GRID2: variants seen among roughly 807,000 people sequenced by gnomAD.
GRID2 encodes the protein glutamate receptor ionotropic, delta-2.
A neutral mutation model predicts 114.8 loss-of-function variants in GRID2; 33 were observed. The ratio of observed to expected loss-of-function variants is 0.29; its 90% CI spans 0.22 to 0.38. The LOEUF (loss-of-function observed/expected upper bound fraction) is 0.38, where lower values mean the gene tolerates loss of function less well. GRID2 is among the 10% of genes least tolerant of loss of function. GRID2 has a pLI of 1.00. For missense variants in GRID2, 1,184 were observed against 1,257.7 expected, an observed-to-expected ratio of 0.94 and a Z score of 0.89; for synonymous variants, 505 against 449.9, an observed-to-expected ratio of 1.12 and a Z score of -1.55.
intron 5 of GRID2, among the ~76,000 whole-genome samples, chr4:93,212,164 T>C (rs762711396): frequency 6.6e-6 from 1 of 152,144 alleles, no homozygotes; most frequent in Non-Finnish European, 1.5e-5. Context: ...TGGCTGAACG[T>C]GGAGAACATG....
chr4:92,710,332 CTT>C (rs1414461102), intron 2 of GRID2, among the ~76,000 whole-genome samples: 9 of 152,020 alleles, frequency 5.9e-5, no homozygotes, highest in Admixed American at 4.6e-4. Context: ...TAATTAAAAA[CTT>C]GAATCTTATT....
chr4:93,369,308 G>A (rs949834620), intron 8 of GRID2, among the ~76,000 whole-genome samples: 1 of 152,004 alleles, frequency 6.6e-6, no homozygotes, highest in African/African-American at 2.4e-5. Context: ...AGTTGTCATT[G>A]GGTTTAGTGC....
Position 92,938,394 on chromosome 4 carries a change from A to G in GRID2, c.245-146601A>G, listed in dbSNP as rs191334256. Among the ~76,000 whole-genome samples the G allele has an allele frequency of 7.4e-4, 109 of 146,582 alleles. 20 individuals carry two copies. The East Asian group carries it at 0.023, about 31-fold the overall frequency. On this transcript the variant is annotated intron_variant, in intron 2 of 15. Transcript: ENST00000282020. ...TATAAACCATCTTTCTTTTCCATGC[A>G]GTCAATTGAAATTCCCTGATAATTA... is the stretch of plus-strand genomic sequence containing the variant.
At chr4:92,896,236 A>T (rs1347384807) in intron 2 of GRID2, among the ~76,000 whole-genome samples, 2 of 152,194 alleles carry the variant, frequency 1.3e-5, no homozygotes, top group Non-Finnish European at 2.9e-5. Context: ...GGCAATATGT[A>T]TTCAAGGGCT....
intron 14 of GRID2, among the ~76,000 whole-genome samples, chr4:93,731,066 G>A (rs150395993): frequency 0.013 from 2,048 of 152,336 alleles, 23 homozygotes; most frequent in Non-Finnish European, 0.02. Flanking sequence ...TTTTGGCCAG[G>A]AAGCAGACTG....
At position 92,410,835 on chromosome 4, in the gene GRID2, ATTTTTT is replaced by A. The variant is rs5860274; in HGVS notation, c.88+106106_88+106111del. 1.1e-3 allele frequency among the ~76,000 whole-genome samples: 132 copies of A among 117,876 alleles called. 1 individual carries two copies. The highest frequency in any genetic ancestry group is 3.7e-3 in the African/African-American group (115 of 31,062). 77.3% of individuals were successfully genotyped at this position (117,876 alleles called of 152,430 possible). A position where few individuals can be genotyped will look rare whatever the true frequency, so the allele number is the denominator to read the frequency against. On this transcript the variant is annotated intron_variant, in intron 1 of 15. Coordinates refer to ENST00000282020, the MANE Select transcript of GRID2 (RefSeq NM_001510.4). Reference sequence around the variant, plus strand: ...ACAACCTAAGTAGGTCTGCAAAAGCATTTTTTTTTTTTTTTTTTTTGCAAAGAAACA... The same window carrying A: ...ACAACCTAAGTAGGTCTGCAAAAGCATTTTTTTTTTTTTTGCAAAGAAACA...
rs370565245 is a variant in GRID2 at position 93,713,580 on chromosome 4, G to T, written c.2361-55630G>T. Among the ~76,000 whole-genome samples the T allele has an allele frequency of 5.5e-3, 827 of 151,194 alleles. 8 individuals carry two copies. The highest frequency in any genetic ancestry group is 0.019 in the African/African-American group (779 of 41,238). On this transcript the variant is annotated intron_variant, in intron 14 of 15. Transcript: ENST00000282020. The stretch of plus-strand genomic sequence containing the variant: ...ATTGCGCTTATATTGTTCTAGGGAG[G>T]TACATTACAAAAAAAAAAGATTATA...
chr4:93,133,586 C>G (rs1047474654), intron 4 of GRID2, among the ~76,000 whole-genome samples: 7 of 152,238 alleles, frequency 4.6e-5, no homozygotes, highest in African/African-American at 1.7e-4. Context: ...CTATGACTTT[C>G]AATTATCTCA....
chr4:93,032,330 A>G (rs965660591), intron 2 of GRID2, among the ~76,000 whole-genome samples: 6 of 152,194 alleles, frequency 3.9e-5, no homozygotes, highest in African/African-American at 1.2e-4. Flanking sequence ...GAACTGAACT[A>G]TCTAGGTTTA....
At chr4:93,696,884 C>G (rs1057360050) in intron 14 of GRID2, among the ~76,000 whole-genome samples, 2 of 152,090 alleles carry the variant, frequency 1.3e-5, no homozygotes, top group African/African-American at 4.8e-5. Context: ...ATTAATCTAC[C>G]TTTACAGGCT....
At chr4:92,939,622 A>C (rs1750940475) in intron 2 of GRID2, among the ~76,000 whole-genome samples, 1 of 147,116 alleles carries the variant, frequency 6.8e-6, no homozygotes, top group Non-Finnish European at 1.5e-5. Flanking sequence ...TTGGTGTTTT[A>C]GACATGAAGT....
chr4:93,082,574 T>C (rs908986676), intron 2 of GRID2, among the ~76,000 whole-genome samples: 2 of 152,136 alleles, frequency 1.3e-5, no homozygotes, highest in Admixed American at 1.3e-4. Flanking sequence ...AGGATGCCAA[T>C]TTACCAACAA....
intron 2 of GRID2, among the ~76,000 whole-genome samples, chr4:92,642,939 T>C (rs1350399923): frequency 1.3e-5 from 2 of 151,764 alleles, no homozygotes; most frequent in African/African-American, 4.8e-5. Flanking sequence ...TTTCTGTTTC[T>C]TATTCTGATC....
Position 93,434,366 on chromosome 4 carries a change from T to G in GRID2, c.1545+11398T>G, listed in dbSNP as rs924842906. Among the ~76,000 whole-genome samples, 5 of 152,152 alleles carry G rather than the reference T, an allele frequency of 3.3e-5. No homozygotes were observed. In the East Asian group the frequency reaches 9.7e-4, roughly 30 times the overall value. On this transcript the variant is annotated intron_variant, in intron 10 of 15. Coordinates refer to ENST00000282020, the MANE Select transcript of GRID2 (RefSeq NM_001510.4). ...CCTAATGTAAATGTCGAGTTAATGG[T>G]TGCAGCACACCAACATGGCACATGT...
intron 2 of GRID2, among the ~76,000 whole-genome samples, chr4:93,009,561 G>T (rs1210702391): frequency 1.3e-4 from 20 of 151,846 alleles, no homozygotes; most frequent in Non-Finnish European, 1.5e-5. Context: ...TTCCTTGTGG[G>T]GCCAAAATCA....
At chr4:92,454,221 G>C (rs1238465473) in intron 1 of GRID2, among the ~76,000 whole-genome samples, 4 of 152,028 alleles carry the variant, frequency 2.6e-5, no homozygotes, top group African/African-American at 9.7e-5. Context: ...AATTAGATTT[G>C]TATGTTTTTT....
At chr4:92,862,236 G>A (rs906635191) in intron 2 of GRID2, among the ~76,000 whole-genome samples, 3 of 151,876 alleles carry the variant, frequency 2.0e-5, no homozygotes, top group African/African-American at 7.3e-5. Context: ...TAATTTCATA[G>A]TACATTTACC....
At chr4:93,644,394 G>T (rs1379742203) in intron 14 of GRID2, among the ~76,000 whole-genome samples, 2 of 152,086 alleles carry the variant, frequency 1.3e-5, no homozygotes, top group Non-Finnish European at 2.9e-5. Flanking sequence ...AATGTCCATG[G>T]CATGACAGAA....
chr4:92,875,377 A>G (rs1271254855), intron 2 of GRID2, among the ~76,000 whole-genome samples: 1 of 151,830 alleles, frequency 6.6e-6, no homozygotes, highest in Non-Finnish European at 1.5e-5. Flanking sequence ...TGTTGGCCAG[A>G]CTGGTCTCGA....
Sources: gnomAD v4.1 joint callset for allele counts (sites outside exome capture counted in the v4.1 genomes callset) on GRCh38, gnomAD v4.1.1 for gene constraint, MANE v1.5 for transcripts, NCBI Gene and HGNC (gene_info 2026-07-23, HGNC 2026-07-21) for gene names.